The following SGCZ variants were observed in gnomAD, a reference collection of about 807,000 sequenced individuals.
The protein encoded by SGCZ is zeta-sarcoglycan.
A neutral mutation model predicts 41.3 loss-of-function variants in SGCZ; 40 were observed. The observed-to-expected ratio is 0.97, with a 90% CI of 0.75 to 1.26. The LOEUF is 1.26. SGCZ is among the 50% of genes most tolerant of loss of function. The pLI is 0.00. For synonymous variants in SGCZ, 206 were observed against 137.5 expected, an observed-to-expected ratio of 1.50 and a Z score of -3.49; for missense variants, 552 against 369.8, an observed-to-expected ratio of 1.49 and a Z score of -4.04.
intron 1 of SGCZ, among the ~76,000 whole-genome samples, chr8:15,226,378 A>G (rs62502025): frequency 6.6e-6 from 1 of 152,220 alleles, no homozygotes; most frequent in Non-Finnish European, 1.5e-5. Flanking sequence ...GCAAGAGTGT[A>G]ACTCAAAGAT....
At chr8:14,393,002 A>G (rs1188751546) in intron 2 of SGCZ, among the ~76,000 whole-genome samples, 1 of 152,120 alleles carries the variant, frequency 6.6e-6, no homozygotes, top group African/African-American at 2.4e-5. Context: ...TAGAACTCAA[A>G]CTGTACTGGT....
At chr8:14,994,316 G>T (rs1022977764) in intron 1 of SGCZ, among the ~76,000 whole-genome samples, 1 of 152,102 alleles carries the variant, frequency 6.6e-6, no homozygotes, top group Non-Finnish European at 1.5e-5. Context: ...GGGCATGGTG[G>T]CTCCCGCCTG....
At chr8:15,092,130 G>C (rs977155147) in intron 1 of SGCZ, among the ~76,000 whole-genome samples, 10 of 152,190 alleles carry the variant, frequency 6.6e-5, no homozygotes, top group Non-Finnish European at 1.0e-4. Context: ...AATACGGTCA[G>C]TGAAAACGCT....
intron 1 of SGCZ, among the ~76,000 whole-genome samples, chr8:14,813,785 C>G (rs1484396481): frequency 1.3e-5 from 2 of 152,130 alleles, no homozygotes; most frequent in African/African-American, 2.4e-5. Context: ...AACTTCATCT[C>G]TACTAAAAAT....
intron 1 of SGCZ, among the ~76,000 whole-genome samples, chr8:15,180,922 A>C (rs1388320236): frequency 6.6e-6 from 1 of 152,088 alleles, no homozygotes; most frequent in South Asian, 2.1e-4. Flanking sequence ...ACAGGATACC[A>C]GCACATAAAC....
At chr8:14,823,802 C>G (rs1802194959) in intron 1 of SGCZ, among the ~76,000 whole-genome samples, 1 of 152,056 alleles carries the variant, frequency 6.6e-6, no homozygotes, top group East Asian at 1.9e-4. Context: ...CACTGCTCAC[C>G]ATAGACAAGA....
chr8:14,465,736 T>C (rs1392565936), intron 2 of SGCZ, among the ~76,000 whole-genome samples: 4 of 151,814 alleles, frequency 2.6e-5, no homozygotes, highest in African/African-American at 7.2e-5. Flanking sequence ...TTTGAATTTA[T>C]ATCAGCTTAA....
chr8:14,208,217 C>T (rs1316022952), intron 4 of SGCZ, among the ~76,000 whole-genome samples: 2 of 152,150 alleles, frequency 1.3e-5, no homozygotes, highest in South Asian at 2.1e-4. Context: ...TGCTAAAGTT[C>T]CATGCTGACT....
chr8:15,057,516 A>G (rs1804758806), intron 1 of SGCZ, among the ~76,000 whole-genome samples: 2 of 152,208 alleles, frequency 1.3e-5, no homozygotes, highest in African/African-American at 2.4e-5. Context: ...TTATCAATAT[A>G]TATTATTACA....
At chr8:14,365,004 T>G (rs1803646192) in intron 2 of SGCZ, among the ~76,000 whole-genome samples, 1 of 152,124 alleles carries the variant, frequency 6.6e-6, no homozygotes, top group African/African-American at 2.4e-5. Flanking sequence ...TATATCCATT[T>G]GATTTTCATC....
chr8:14,981,763 G>A lies in SGCZ; in HGVS notation c.39+255822C>T, dbSNP rs564474678. 4.6e-5 allele frequency among the ~76,000 whole-genome samples: 7 copies of A among 152,146 alleles called. No homozygotes were observed. The South Asian group carries it at 1.5e-3, about 32-fold the overall frequency. ...CTCCGCTTATAGCCCCAAAGAACGA[G>A]ACCCACCAAATATTTTAATCATAGT... is the stretch of plus-strand genomic sequence containing the variant. On this transcript the variant is annotated intron_variant, in intron 1 of 7. Coordinates refer to ENST00000382080, the MANE Select transcript of SGCZ (RefSeq NM_139167.4).
chr8:14,709,838 C>T (rs1360593021), intron 1 of SGCZ, among the ~76,000 whole-genome samples: 1 of 151,072 alleles, frequency 6.6e-6, no homozygotes, highest in African/African-American at 2.4e-5. Flanking sequence ...AGGAATTTTA[C>T]CATGAGTATC....
chr8:15,227,629 G>T (rs78740152), intron 1 of SGCZ, among the ~76,000 whole-genome samples: 70 of 152,160 alleles, frequency 4.6e-4, no homozygotes, highest in African/African-American at 1.4e-3. Flanking sequence ...TTCTCAAATT[G>T]TAGTTGATGT....
intron 1 of SGCZ, among the ~76,000 whole-genome samples, chr8:14,636,280 G>A (rs1329492000): frequency 6.6e-6 from 1 of 151,762 alleles, no homozygotes; most frequent in Non-Finnish European, 1.5e-5. Context: ...AGATGTTGAA[G>A]GGTTTTAAGG....
intron 2 of SGCZ, among the ~76,000 whole-genome samples, chr8:14,333,873 G>C (rs1273713092): frequency 6.6e-6 from 1 of 152,100 alleles, no homozygotes; most frequent in Admixed American, 6.5e-5. Context: ...GGTGATTAAG[G>C]AGTTATAAGC....
chr8:14,307,844 G>T, intron 3 of SGCZ, among the ~76,000 whole-genome samples: 1 of 152,096 alleles, frequency 6.6e-6, no homozygotes, highest in East Asian at 1.9e-4. Flanking sequence ...ATTTAGCAAT[G>T]TGGTAAAACA....
intron 2 of SGCZ, among the ~76,000 whole-genome samples, chr8:14,380,667 C>A (rs1804327774): frequency 6.6e-6 from 1 of 152,160 alleles, no homozygotes; most frequent in South Asian, 2.1e-4. Context: ...CCCTGGCCAA[C>A]ATGGTGAATC....
intron 4 of SGCZ, among the ~76,000 whole-genome samples, chr8:14,173,521 G>C (rs1252925026): frequency 6.6e-6 from 1 of 152,052 alleles, no homozygotes; most frequent in Non-Finnish European, 1.5e-5. Flanking sequence ...TTCTGAAGAA[G>C]AAAGAATTAG....
At chr8:14,802,738 G>A (rs1027713023) in intron 1 of SGCZ, among the ~76,000 whole-genome samples, 2 of 152,160 alleles carry the variant, frequency 1.3e-5, no homozygotes, top group Non-Finnish European at 2.9e-5. Context: ...CATGTGTATT[G>A]TGGAGCCCTA....
Sources: allele counts gnomAD v4.1 joint callset (sites outside exome capture counted in the v4.1 genomes callset), GRCh38; gene constraint gnomAD v4.1.1; transcripts MANE v1.5; gene names NCBI Gene and HGNC (gene_info 2026-07-23, HGNC 2026-07-21).